SPNS2: variants seen among roughly 807,000 people sequenced by gnomAD.
SPNS2 encodes SPNS lysolipid transporter 2, sphingosine-1-phosphate.
SPNS2 carries 37 observed loss-of-function variants against 57.6 expected under a neutral mutation model. The observed-to-expected ratio is 0.64, with a 90% confidence interval of 0.49 to 0.85. SPNS2 has a LOEUF of 0.85. SPNS2 is among the 40% of genes least tolerant of loss of function. The pLI, the probability that SPNS2 is intolerant of heterozygous loss-of-function variation, is 0.00. For synonymous variants in SPNS2, 440 were observed against 346.9 expected (o/e 1.27, Z -2.98); for missense variants, 831 against 779.1 (o/e 1.07, Z -0.79).
intron 8 of SPNS2, 124 bp from the exon 9 acceptor site, chr17:4,533,664 G>A: frequency 3.4e-6 from 4 of 1,161,120 alleles, no homozygotes; most frequent in Non-Finnish European, 3.8e-6. Context: ...ATGAATGGAT[G>A]TGGGCCCGGG....
At chr17:4,523,254 A>G (rs1905183431) in intron 2 of SPNS2, among the ~76,000 whole-genome samples, 3 of 152,054 alleles carry the variant, frequency 2.0e-5, no homozygotes, top group Admixed American at 6.6e-5. Context: ...GCTGGCCAAC[A>G]TAGAGAAACC....
In SPNS2 at chr17:4,537,922, C is replaced by A. The variant is rs555320952; in HGVS notation, c.*474C>A. ...AGAGCAGGTGGCCCAGGCCTCAGGG[C>A]GGCAGTCCCGGCTTTGAGGCTCACG... On this transcript the variant is annotated 3_prime_UTR_variant, in exon 13 of 13. Coordinates refer to ENST00000329078, the MANE Select transcript of SPNS2 (RefSeq NM_001124758.3). The A allele has an allele frequency of 2.5e-6, 1 of 396,248 alleles. No individual in the cohort carries two copies. Among genetic ancestry groups the A allele is most frequent in the Non-Finnish European group, 5.2e-6 (1 of 193,622 alleles). The allele number at this position is 396,248 out of a possible 1,614,324, so 24.5% of individuals were successfully genotyped here.
chr17:4,532,975 A>C lies in SPNS2; in HGVS notation c.936-2A>C, dbSNP rs751835510. ...CAGTGTCACTGCCTGGCCTCTCCCC[A>C]GCCGCAGCTACGTCTTCTCCTCCCT... On this transcript the variant is annotated splice_acceptor_variant, in intron 6 of 12. Coordinates refer to ENST00000329078, the MANE Select transcript of SPNS2 (RefSeq NM_001124758.3). LOFTEE classifies it high-confidence loss of function. 6.2e-7 allele frequency: 1 copy of C among 1,609,976 alleles called. No individual in the cohort carries two copies. Among genetic ancestry groups the C allele is most frequent in the Non-Finnish European group, 8.5e-7 (1 of 1,178,086 alleles).
chr17:4,532,480 CCTT>C (rs1905530918), intron 5 of SPNS2, 59 bp from the exon 6 acceptor site: 6 of 1,609,968 alleles, frequency 3.7e-6, no homozygotes, highest in Non-Finnish European at 5.1e-6. Flanking sequence ...CTGAGTCCCT[CCTT>C]CTGCAGCAGG....
rs60954785 is a variant in SPNS2, at chr17:4,532,120, G to T, written c.793-422G>T. Among the ~76,000 whole-genome samples, 724 of 151,818 alleles carry T rather than the reference G, an allele frequency of 4.8e-3. 5 individuals carry two copies. Among genetic ancestry groups the T allele is most frequent in the African/African-American group, 0.016 (666 of 41,426 alleles). ...CCGTCTGTCCATCCATCCACCATCCGTCCGTCTATCTATCCGTTCATCCAT... is the reference window on the plus strand; with the variant it reads ...CCGTCTGTCCATCCATCCACCATCCTTCCGTCTATCTATCCGTTCATCCAT... On this transcript the variant is annotated intron_variant, in intron 5 of 12. Coordinates refer to ENST00000329078, the MANE Select transcript of SPNS2 (RefSeq NM_001124758.3).
chr17:4,509,629 A>G (rs1416795814), intron 1 of SPNS2, among the ~76,000 whole-genome samples: 2 of 152,260 alleles, frequency 1.3e-5, no homozygotes, highest in South Asian at 4.1e-4. Flanking sequence ...GACCCAGCGC[A>G]GCCTCCCTGC....
At chr17:4,532,123 C>T (rs1423973254) in intron 5 of SPNS2, among the ~76,000 whole-genome samples, 11 of 152,016 alleles carry the variant, frequency 7.2e-5, no homozygotes, top group South Asian at 6.3e-4. Flanking sequence ...ACCATCCGTC[C>T]GTCTATCTAT....
chr17:4,536,387 C>CGCTCTTCTTCGTCA lies in SPNS2; in HGVS notation c.1571_1584dup (p.Asp529SerfsTer14), dbSNP rs761059120. ...GGCGGCATGTTCTTCCTCGCCACTGCGCTCTTCTTCGTCAGCGACCGCGCC... is the reference window on the plus strand; with the variant it reads ...GGCGGCATGTTCTTCCTCGCCACTGCGCTCTTCTTCGTCAGCTCTTCTTCGTCAGCGACCGCGCC... On this transcript the variant is annotated frameshift_variant, in exon 11 of 13. Transcript: ENST00000329078. LOFTEE classifies it high-confidence loss of function. 2.5e-6 allele frequency: 4 copies of CGCTCTTCTTCGTCA among 1,607,100 alleles called. No homozygotes were observed. The Admixed American group carries it at 6.7e-5, about 27-fold the overall frequency.
At chr17:4,500,707 T>TA (rs1904467097) in intron 1 of SPNS2, among the ~76,000 whole-genome samples, 1 of 140,302 alleles carries the variant, frequency 7.1e-6, no homozygotes, top group Non-Finnish European at 1.6e-5. Flanking sequence ...TGCCACCTGG[T>TA]GCCTTCTCTG....
chr17:4,521,777 G>A (rs1030189277), intron 2 of SPNS2, among the ~76,000 whole-genome samples: 3 of 152,228 alleles, frequency 2.0e-5, no homozygotes, highest in South Asian at 2.1e-4. Flanking sequence ...GGTGAGTGGC[G>A]TCTGTTCTAT....
intron 2 of SPNS2, among the ~76,000 whole-genome samples, chr17:4,516,343 ACAAAAAAAC>A (rs200981893): frequency 1.5e-4 from 20 of 134,068 alleles, no homozygotes; most frequent in Admixed American, 8.3e-4. Flanking sequence ...AAAAAAAAAA[ACAAAAAAAC>A]CGCTCATAGG....
At chr17:4,500,369 C>T (rs1050163862) in intron 1 of SPNS2, among the ~76,000 whole-genome samples, 2 of 152,108 alleles carry the variant, frequency 1.3e-5, no homozygotes, top group African/African-American at 4.8e-5. Flanking sequence ...TCTGCTGGCT[C>T]CCTTCCCCAG....
chr17:4,505,820 C>T (rs1251611296), intron 1 of SPNS2, among the ~76,000 whole-genome samples: 2 of 152,196 alleles, frequency 1.3e-5, no homozygotes, highest in Non-Finnish European at 2.9e-5. Context: ...TCCTGTCCTC[C>T]TGCCTCCCGC....
At chr17:4,528,587 C>T (rs185574839) in intron 3 of SPNS2, among the ~76,000 whole-genome samples, 93 of 152,244 alleles carry the variant, frequency 6.1e-4, no homozygotes, top group Admixed American at 1.2e-3. Context: ...AGCGATTCTC[C>T]TGCCTCAGCC....
At chr17:4,514,994 A>C (rs1052677989) in intron 2 of SPNS2, among the ~76,000 whole-genome samples, 63 of 152,194 alleles carry the variant, frequency 4.1e-4, no homozygotes, top group African/African-American at 1.3e-3. Context: ...TACCCCACGC[A>C]TCCTCCATTT....
intron 2 of SPNS2, among the ~76,000 whole-genome samples, chr17:4,515,024 CG>C (rs1166017521): frequency 6.6e-6 from 1 of 152,138 alleles, no homozygotes; most frequent in African/African-American, 2.4e-5. Flanking sequence ...TGAGCATGGT[CG>C]GGGCCAGCAC....
intron 9 of SPNS2, among the ~76,000 whole-genome samples, chr17:4,534,128 G>A (rs994040961): frequency 6.6e-5 from 10 of 152,172 alleles, no homozygotes; most frequent in South Asian, 2.1e-4. Context: ...GGAGGCTGGC[G>A]GTGCCAGGCT....
rs1301778583 is a variant in SPNS2 at position 4,533,364 on chromosome 17, A to T, written c.1210A>T (p.Met404Leu). The change falls in exon 8 of 13, where the codon ATG (methionine) becomes TTG (leucine). Residue 404 changes from methionine to leucine, a missense_variant. Transcript: ENST00000329078. Reference sequence around the variant, plus strand: ...CGACCCACTGGTGTGTGCCGTGGGCATGCTGGGCTCTGCCATCTTCATCTG... The same window carrying T: ...CGACCCACTGGTGTGTGCCGTGGGCTTGCTGGGCTCTGCCATCTTCATCTG... ...RADPLVCAVGMLGSAIFICLI... is the reference protein window; with the variant it reads ...RADPLVCAVGLLGSAIFICLI... 1 of 1,611,668 alleles carries T rather than the reference A, an allele frequency of 6.2e-7. No homozygotes were observed. Among genetic ancestry groups the T allele is most frequent in the Non-Finnish European group, 8.5e-7 (1 of 1,179,522 alleles).
At chr17:4,523,174 C>T (rs1355976891) in intron 2 of SPNS2, among the ~76,000 whole-genome samples, 1 of 152,272 alleles carries the variant, frequency 6.6e-6, no homozygotes, top group Admixed American at 6.5e-5. Flanking sequence ...TGCAGTGGCT[C>T]ACGCCTGTAA....
Sources: gnomAD v4.1 joint callset for allele counts (sites outside exome capture counted in the v4.1 genomes callset) on GRCh38, gnomAD v4.1.1 for gene constraint, MANE v1.5 for transcripts, NCBI Gene and HGNC (gene_info 2026-07-23, HGNC 2026-07-21) for gene names.